CD200R1: variants seen among roughly 807,000 people sequenced by gnomAD.
The protein encoded by CD200R1 is cell surface glycoprotein CD200 receptor 1.
In CD200R1, 30 loss-of-function variants were observed where a neutral mutation model predicts 38.1. That is an observed-to-expected ratio of 0.79 (90% CI 0.59 to 1.07). The LOEUF (loss-of-function observed/expected upper bound fraction) is 1.07, where lower values mean the gene tolerates loss of function less well. Ranked by LOEUF, CD200R1 falls within the 50% of genes least tolerant of loss-of-function variation. CD200R1 has a pLI of 0.00. For synonymous variants in CD200R1, 128 were observed against 152.1 expected (o/e 0.84, Z 1.16); for missense variants, 372 against 415.4 (o/e 0.90, Z 0.91).
chr3:112,932,674 C>T (rs1940476568), intron 2 of CD200R1, among the ~76,000 whole-genome samples: 1 of 152,110 alleles, frequency 6.6e-6, no homozygotes, highest in Non-Finnish European at 1.5e-5. Flanking sequence ...GGGAAACTGT[C>T]AAGGGTGTCG....
At position 112,972,607 on chromosome 3, in the gene CD200R1, C is replaced by G. The variant is rs377229279; in HGVS notation, c.67+2184G>C. ...GAGTGTCCGGGAAGGGGACCAGGTA[C>G]AAGGCTGGGAATATAGCTCTGATGT... On this transcript the variant is annotated intron_variant, in intron 1 of 7. Transcript: ENST00000308611. 1.1e-3 allele frequency among the ~76,000 whole-genome samples: 174 copies of G among 152,212 alleles called. 4 individuals are homozygous for G. The South Asian group carries it at 0.033, about 29-fold the overall frequency.
intron 1 of CD200R1, among the ~76,000 whole-genome samples, chr3:112,963,166 C>A (rs185900500): frequency 5.9e-5 from 9 of 152,308 alleles, no homozygotes; most frequent in African/African-American, 2.2e-4. Context: ...AAAACTCTTT[C>A]TTTTGTAAAT....
intron 5 of CD200R1, 121 bp from the exon 6 acceptor site, chr3:112,925,314 T>G: frequency 1.7e-6 from 1 of 579,350 alleles, no homozygotes; most frequent in South Asian, 2.3e-5. Context: ...GAATTTCAAA[T>G]GTATGTTACT....
Position 112,928,408 on chromosome 3 carries a change from A to G in CD200R1, c.769+408T>C, listed in dbSNP as rs370171560. ...TATTATAAGACATTTAAGAAATTCA[A>G]TGATGAAAAGTCCAGAAAACAAAAT... On this transcript the variant is annotated intron_variant, in intron 5 of 7. Transcript: ENST00000308611. Among the ~76,000 whole-genome samples, 100 of 152,348 alleles carry G rather than the reference A, an allele frequency of 6.6e-4. No individual in the cohort carries two copies. The Middle Eastern group carries it at 0.014, about 21-fold the overall frequency.
chr3:112,949,570 C>A (rs980857949), intron 1 of CD200R1, among the ~76,000 whole-genome samples: 3 of 152,142 alleles, frequency 2.0e-5, no homozygotes, highest in African/African-American at 7.2e-5. Context: ...CCAAGACTAC[C>A]TGGCTAGTAA....
chr3:112,958,175 T>C (rs1941144212), intron 1 of CD200R1, among the ~76,000 whole-genome samples: 1 of 152,128 alleles, frequency 6.6e-6, no homozygotes, highest in South Asian at 2.1e-4. Context: ...ACAGAAGACT[T>C]ATGCATAAAT....
At chr3:112,931,525 T>G (rs376151721) in intron 2 of CD200R1, among the ~76,000 whole-genome samples, 1 of 152,172 alleles carries the variant, frequency 6.6e-6, no homozygotes, top group Non-Finnish European at 1.5e-5. Flanking sequence ...TATCCCTTTC[T>G]TCAGCTACCA....
intron 1 of CD200R1, among the ~76,000 whole-genome samples, chr3:112,953,189 C>CT (rs1251058942): frequency 6.6e-6 from 1 of 152,026 alleles, no homozygotes; most frequent in Admixed American, 6.6e-5. Flanking sequence ...TTTTTAAAGG[C>CT]TTTTTTGCAT....
chr3:112,959,824 A>C (rs193170716), intron 1 of CD200R1, among the ~76,000 whole-genome samples: 1 of 152,062 alleles, frequency 6.6e-6, no homozygotes, highest in Non-Finnish European at 1.5e-5. Context: ...TGCATGGATT[A>C]AGCATTAAAC....
At chr3:112,923,880 C>G (rs1363966653) in intron 7 of CD200R1, 81 bp from the exon 8 acceptor site, 2 of 841,146 alleles carry the variant, frequency 2.4e-6, no homozygotes, top group East Asian at 5.5e-5. Context: ...TTGCCCATAG[C>G]TTTAGTATTT....
intron 2 of CD200R1, among the ~76,000 whole-genome samples, chr3:112,937,316 T>A (rs1437584585): frequency 1.3e-5 from 2 of 152,036 alleles, no homozygotes; most frequent in African/African-American, 4.8e-5. Flanking sequence ...CCATGACACA[T>A]GGAGATTATA....
chr3:112,957,481 C>CA (rs909401854), intron 1 of CD200R1, among the ~76,000 whole-genome samples: 2 of 151,682 alleles, frequency 1.3e-5, no homozygotes, highest in Admixed American at 6.6e-5. Context: ...TACACATACA[C>CA]AAAAAAAATT....
intron 1 of CD200R1, among the ~76,000 whole-genome samples, chr3:112,972,030 T>C (rs1218313129): frequency 6.6e-6 from 1 of 152,228 alleles, no homozygotes; most frequent in Non-Finnish European, 1.5e-5. Flanking sequence ...TGTTCACCAA[T>C]TGTTTCATCT....
chr3:112,928,468 A>G (rs1940331487), intron 5 of CD200R1, among the ~76,000 whole-genome samples: 1 of 152,232 alleles, frequency 6.6e-6, no homozygotes, highest in East Asian at 1.9e-4. Context: ...AGCAACTTTG[A>G]GTAAATGTAT....
At chr3:112,970,465 C>A (rs1431784879) in intron 1 of CD200R1, among the ~76,000 whole-genome samples, 1 of 152,052 alleles carries the variant, frequency 6.6e-6, no homozygotes, top group African/African-American at 2.4e-5. Flanking sequence ...ATTCTTAGGG[C>A]CTACTAGCAT....
chr3:112,938,264 G>C (rs555075003), intron 2 of CD200R1, among the ~76,000 whole-genome samples: 42 of 152,168 alleles, frequency 2.8e-4, no homozygotes, highest in African/African-American at 9.6e-4. Flanking sequence ...TCCTTGTCTT[G>C]TGCCAGTTTT....
In CD200R1 at chr3:112,975,077, C is replaced by A. The variant is rs761916785; in HGVS notation, c.-220G>T. 14 of 553,986 alleles carry A rather than the reference C, an allele frequency of 2.5e-5. No homozygotes were observed. Among genetic ancestry groups the A allele is most frequent in the Non-Finnish European group, 3.9e-5 (12 of 309,336 alleles). The allele number at this position is 553,986 out of a possible 1,614,324, so 34.3% of individuals were successfully genotyped here. ...GACGAACAGAAGCTTTTCTCTGGAA[C>A]TTGACACAGCAATAGATTTCCTGTA... On this transcript the variant is annotated 5_prime_UTR_variant, in exon 1 of 8. Coordinates refer to ENST00000308611, the MANE Select transcript of CD200R1 (RefSeq NM_138806.4).
At chr3:112,960,960 G>A (rs1933001537) in intron 1 of CD200R1, among the ~76,000 whole-genome samples, 1 of 151,950 alleles carries the variant, frequency 6.6e-6, no homozygotes, top group Non-Finnish European at 1.5e-5. Context: ...TGATTATGCT[G>A]TATGTTTCAT....
intron 1 of CD200R1, among the ~76,000 whole-genome samples, chr3:112,961,116 T>A (rs1047536833): frequency 1.3e-5 from 2 of 151,820 alleles, no homozygotes; most frequent in Non-Finnish European, 1.5e-5. Flanking sequence ...TAGAAAAAAA[T>A]TTCAAAATTA....
Sources: gnomAD v4.1 joint callset for allele counts (sites outside exome capture counted in the v4.1 genomes callset) on GRCh38, gnomAD v4.1.1 for gene constraint, MANE v1.5 for transcripts, NCBI Gene and HGNC (gene_info 2026-07-23, HGNC 2026-07-21) for gene names.